RAB33B: variants seen among roughly 807,000 people sequenced by gnomAD.
The protein encoded by RAB33B is RAB33B, member RAS oncogene family, also known as ras-related protein Rab-33B.
A neutral mutation model predicts 15.0 loss-of-function variants in RAB33B; 6 were observed. That is an observed-to-expected ratio of 0.40 (90% CI 0.22 to 0.79). The LOEUF is 0.79. Ranked by LOEUF, RAB33B falls within the 30% of genes least tolerant of loss-of-function variation. The probability of loss-of-function intolerance (pLI) is 0.37; values close to 1 mark genes in which losing one functional copy is unlikely to be tolerated. For synonymous variants in RAB33B, 117 were observed against 108.3 expected (o/e 1.08, Z -0.50); for missense variants, 257 against 296.4 (o/e 0.87, Z 0.98).
At chr4:139,454,001 G>A (rs998613350), upstream of RAB33B, 1 of 506,752 alleles carries the variant, frequency 2.0e-6, no homozygotes, top group Non-Finnish European at 3.2e-6. Context: ...GTGCGGCGGG[G>A]CGGGCGGGTG....
At chr4:139,439,573 A>G in the RAB33B span, among the ~76,000 whole-genome samples, 3 of 152,208 alleles carry the variant, frequency 2.0e-5, no homozygotes, top group African/African-American at 7.2e-5. Context: ...TTTTCATCAA[A>G]TATGGGAAGC....
chr4:139,441,523 C>T, the RAB33B span, among the ~76,000 whole-genome samples: 6 of 152,076 alleles, frequency 3.9e-5, no homozygotes, highest in Non-Finnish European at 1.5e-5. Flanking sequence ...TCCAAGTCTT[C>T]CTCTGGAAGC....
chr4:139,475,966 C>T lies in RAB33B; in HGVS notation c.*2840C>T, dbSNP rs1441504418. The T allele has an allele frequency of 6.6e-6, 1 of 152,012 alleles. No individual in the cohort carries two copies. The highest frequency in any genetic ancestry group is 1.9e-4 in the East Asian group (1 of 5,190). The allele number at this position is 152,012 out of a possible 1,614,324, so 9.4% of individuals were successfully genotyped here. On this transcript the variant is annotated 3_prime_UTR_variant, in exon 2 of 2. Coordinates refer to ENST00000305626, the MANE Select transcript of RAB33B (RefSeq NM_031296.3). ...TTACTGGGTAGAGTATAAAATAAAACAATCTTTTTTTCCTCCTGGTTTCCA... is the reference window on the plus strand; with the variant it reads ...TTACTGGGTAGAGTATAAAATAAAATAATCTTTTTTTCCTCCTGGTTTCCA...
intron 1 of RAB33B, among the ~76,000 whole-genome samples, chr4:139,458,493 C>T (rs1750111889): frequency 6.6e-6 from 1 of 152,150 alleles, no homozygotes; most frequent in Admixed American, 6.5e-5. Flanking sequence ...TGTGTTGTTC[C>T]TGTCTTTGTG....
chr4:139,455,212 C>CT (rs1253982207), intron 1 of RAB33B, among the ~76,000 whole-genome samples: 26 of 152,284 alleles, frequency 1.7e-4, no homozygotes, highest in Non-Finnish European at 2.6e-4. Flanking sequence ...GGGTTGGAAT[C>CT]TAACAGTGGA....
the RAB33B span, among the ~76,000 whole-genome samples, chr4:139,442,261 G>A: frequency 6.6e-6 from 1 of 152,248 alleles, no homozygotes; most frequent in South Asian, 2.1e-4. Context: ...AAGTTATAAA[G>A]TTTAATATAG....
intron 1 of RAB33B, among the ~76,000 whole-genome samples, chr4:139,471,254 C>T (rs1750385460): frequency 6.6e-6 from 1 of 152,142 alleles, no homozygotes; most frequent in Non-Finnish European, 1.5e-5. Flanking sequence ...GTTAAGTGTT[C>T]CCTCTGTGGG....
the RAB33B span, among the ~76,000 whole-genome samples, chr4:139,445,288 ACT>A: frequency 1.3e-5 from 2 of 152,092 alleles, no homozygotes; most frequent in African/African-American, 2.4e-5. Context: ...TGGTATATCA[ACT>A]CTCTGGCTGT....
intron 1 of RAB33B, among the ~76,000 whole-genome samples, chr4:139,468,938 G>A (rs1750342734): frequency 6.6e-6 from 1 of 152,170 alleles, no homozygotes; most frequent in Admixed American, 6.5e-5. Flanking sequence ...ACCTATTGGA[G>A]CTCCATTGTA....
chr4:139,464,107 C>G (rs537457472), intron 1 of RAB33B, among the ~76,000 whole-genome samples: 2 of 152,102 alleles, frequency 1.3e-5, no homozygotes, highest in South Asian at 2.1e-4. Flanking sequence ...ACCACCCCCC[C>G]ACTGTCTCTA....
rs1190146234 is a variant in RAB33B, at chr4:139,473,406, G to T, written c.*280G>T. 5 of 400,822 alleles carry T rather than the reference G, an allele frequency of 1.2e-5. No homozygotes were observed. Among genetic ancestry groups the T allele is most frequent in the Non-Finnish European group, 1.8e-5 (4 of 225,042 alleles). 24.8% of individuals were successfully genotyped at this position (400,822 alleles called of 1,614,324 possible). A position where few individuals can be genotyped will look rare whatever the true frequency, so the allele number is the denominator to read the frequency against. On this transcript the variant is annotated 3_prime_UTR_variant, in exon 2 of 2. Transcript: ENST00000305626. ...TGAAGGAAGCTTCAAATGAGAACATGATGGAATCAGTAACCATTCAATCTT... is the reference window on the plus strand; with the variant it reads ...TGAAGGAAGCTTCAAATGAGAACATTATGGAATCAGTAACCATTCAATCTT...
At chr4:139,472,659 T>C (rs757735095) in intron 1 of RAB33B, 27 bp from the exon 2 acceptor site, 2 of 1,528,640 alleles carry the variant, frequency 1.3e-6, no homozygotes, top group South Asian at 2.4e-5. Context: ...GGATTTTCAG[T>C]TTTCCTCTTT....
intron 1 of RAB33B, among the ~76,000 whole-genome samples, chr4:139,469,925 C>T (rs910800312): frequency 6.6e-6 from 1 of 152,154 alleles, no homozygotes; most frequent in Non-Finnish European, 1.5e-5. Flanking sequence ...CTGTGACCAC[C>T]ACCACTATGA....
the RAB33B span, among the ~76,000 whole-genome samples, chr4:139,446,460 A>T: frequency 1.3e-5 from 2 of 152,182 alleles, no homozygotes; most frequent in South Asian, 4.1e-4. Context: ...GCGATTATAT[A>T]CTTATTCATG....
the RAB33B span, among the ~76,000 whole-genome samples, chr4:139,446,898 G>A: frequency 6.6e-6 from 1 of 152,146 alleles, no homozygotes; most frequent in African/African-American, 2.4e-5. Flanking sequence ...CATTCCTTGG[G>A]GTAACCAGCC....
At chr4:139,469,944 G>A (rs1293425847) in intron 1 of RAB33B, among the ~76,000 whole-genome samples, 1 of 152,122 alleles carries the variant, frequency 6.6e-6, no homozygotes, top group Non-Finnish European at 1.5e-5. Flanking sequence ...GACTGCACTA[G>A]GTCAAAGCCC....
chr4:139,470,059 C>T (rs1304774504), intron 1 of RAB33B, among the ~76,000 whole-genome samples: 1 of 152,224 alleles, frequency 6.6e-6, no homozygotes, highest in Admixed American at 6.5e-5. Context: ...TGGCTACCGC[C>T]TATGTTTACT....
chr4:139,474,157 C>T lies in RAB33B; in HGVS notation c.*1031C>T, dbSNP rs1187562154. The T allele has an allele frequency of 1.3e-5, 2 of 152,110 alleles. No individual in the cohort carries two copies. The highest frequency in any genetic ancestry group is 2.4e-5 in the African/African-American group (1 of 41,426). The allele number at this position is 152,110 out of a possible 1,614,324, so 9.4% of individuals were successfully genotyped here. A position where few individuals can be genotyped will look rare whatever the true frequency, so the allele number is the denominator to read the frequency against. ...TGACCTCATGATCCACCCGCCTCAGCTTCCCAAAGTGCTGGGATTACAGGT... is the reference window on the plus strand; with the variant it reads ...TGACCTCATGATCCACCCGCCTCAGTTTCCCAAAGTGCTGGGATTACAGGT... On this transcript the variant is annotated 3_prime_UTR_variant, in exon 2 of 2. Transcript: ENST00000305626.
rs771149713 is a variant in RAB33B at position 139,460,297 on chromosome 4, C to A, written c.249+5853C>A. Among the ~76,000 whole-genome samples the A allele has an allele frequency of 2.2e-4, 34 of 152,266 alleles. 1 individual carries two copies. Among genetic ancestry groups the A allele is most frequent in the Middle Eastern group, 3.4e-3 (1 of 294 alleles). On this transcript the variant is annotated intron_variant, in intron 1 of 1. Transcript: ENST00000305626. ...AAATACTGATTGGCAGCTACAAATA[C>A]CGGATTGGCACACAGGAGAAATAAT...
Sources: allele counts gnomAD v4.1 joint callset (sites outside exome capture counted in the v4.1 genomes callset), GRCh38; gene constraint gnomAD v4.1.1; transcripts MANE v1.5; gene names NCBI Gene and HGNC (gene_info 2026-07-23, HGNC 2026-07-21).